Variants in FBXO42 observed in about 807,000 individuals in gnomAD.
FBXO42 encodes the protein F-box protein 42.
Under a neutral mutation model 71.7 loss-of-function variants are expected in FBXO42, and 12 were observed. The ratio of observed to expected loss-of-function variants is 0.17; its 90% CI spans 0.11 to 0.27. The LOEUF (loss-of-function observed/expected upper bound fraction) is 0.27, where lower values mean the gene tolerates loss of function less well. Ranked by LOEUF, FBXO42 falls within the 10% of genes least tolerant of loss-of-function variation. The pLI, the probability that FBXO42 is intolerant of heterozygous loss-of-function variation, is 1.00. For missense variants in FBXO42, 707 were observed against 911.9 expected, an observed-to-expected ratio of 0.78 and a Z score of 2.89; for synonymous variants, 325 against 327.5, an observed-to-expected ratio of 0.99 and a Z score of 0.08.
chr1:16,251,124 G>A lies in FBXO42; in HGVS notation c.1700C>T (p.Ser567Phe). Residue 567 changes from serine (S) to phenylalanine (F), a missense_variant, in exon 10 of 10, where the codon TCC (serine) becomes TTC (phenylalanine). Ser to Phe is a radical substitution (Grantham distance 155, BLOSUM62 -2). Coordinates refer to ENST00000375592, the MANE Select transcript of FBXO42 (RefSeq NM_018994.3). The surrounding 1 kb of genome is among the most constrained non-coding windows in gnomAD (Gnocchi z 4.5). ...TGCAGAGGCCGAGGGGCCTTTGGAGGACATCGCTTTGATGGCTTCCAGACT... is the reference window on the plus strand; with the variant it reads ...TGCAGAGGCCGAGGGGCCTTTGGAGAACATCGCTTTGATGGCTTCCAGACT... ...RRSLEAIKAM[S>F]SKGPSASAAL... The A allele has an allele frequency of 6.2e-7, 1 of 1,614,134 alleles. No homozygotes were observed. The highest frequency in any genetic ancestry group is 1.1e-5 in the South Asian group (1 of 91,088).
chr1:16,267,393 T>C (rs1322868771), intron 4 of FBXO42, among the ~76,000 whole-genome samples: 2 of 152,170 alleles, frequency 1.3e-5, no homozygotes, highest in African/African-American at 2.4e-5. Context: ...ATTGCAGTTC[T>C]AATCAGGGGT....
chr1:16,260,652 A>AT (rs2081701642), intron 4 of FBXO42, among the ~76,000 whole-genome samples: 1 of 152,106 alleles, frequency 6.6e-6, no homozygotes, highest in East Asian at 1.9e-4. Flanking sequence ...TAGAACTAAT[A>AT]AGTGAAGAGC....
At chr1:16,274,490 T>C (rs2081877379) in intron 4 of FBXO42, among the ~76,000 whole-genome samples, 1 of 151,188 alleles carries the variant, frequency 6.6e-6, no homozygotes, top group South Asian at 2.1e-4. Flanking sequence ...CATGACTGTA[T>C]ACATATGTAA....
Position 16,315,303 on chromosome 1 carries a change from T to A in FBXO42, c.116A>T (p.Glu39Val). 1 of 1,614,180 alleles carries A rather than the reference T, an allele frequency of 6.2e-7. No homozygotes were observed. Among genetic ancestry groups the A allele is most frequent in the Non-Finnish European group, 8.5e-7 (1 of 1,180,022 alleles). ...DEEPHPVLEA[E>V]ETRHNRSMSE... The stretch of plus-strand genomic sequence containing the variant: ...CATGGACCTATTATGTCTAGTCTCC[T>A]CAGCCTCCAATACTGGGTGGGGCTC... Residue 39 changes from glutamate to valine, a missense_variant, in exon 2 of 10, where the codon GAG (glutamate) becomes GTG (valine). This residue lies in a region of FBXO42 where 188 missense variants were observed against 230.5 expected (regional missense o/e 0.82). Transcript: ENST00000375592.
At chr1:16,264,232 T>C (rs185736219) in intron 4 of FBXO42, among the ~76,000 whole-genome samples, 340 of 152,350 alleles carry the variant, frequency 2.2e-3, no homozygotes, top group African/African-American at 7.8e-3. Context: ...ATAGGTTTAA[T>C]ACATTTTTAT....
At chr1:16,315,584 C>T (rs1444294889) in intron 1 of FBXO42, 149 bp from the exon 2 acceptor site, 7 of 699,942 alleles carry the variant, frequency 1.0e-5, no homozygotes, top group South Asian at 6.2e-5. Context: ...TTGTGAGCCA[C>T]CTTAATTCGA....
chr1:16,304,550 C>T (rs957665803), intron 3 of FBXO42, among the ~76,000 whole-genome samples: 4 of 152,162 alleles, frequency 2.6e-5, no homozygotes, highest in Admixed American at 2.6e-4. Context: ...TCTGACTACT[C>T]CCTAAGCAAA....
At chr1:16,273,890 A>C (rs1447389725) in intron 4 of FBXO42, among the ~76,000 whole-genome samples, 1 of 152,150 alleles carries the variant, frequency 6.6e-6, no homozygotes, top group African/African-American at 2.4e-5. Flanking sequence ...CAAACAAGAA[A>C]AAAAGTGGGA....
chr1:16,346,257 C>T (rs2082653547), intron 1 of FBXO42, among the ~76,000 whole-genome samples: 1 of 152,070 alleles, frequency 6.6e-6, no homozygotes, highest in African/African-American at 2.4e-5. Flanking sequence ...AGTGCGTTTA[C>T]CCCCATACTA....
At chr1:16,286,913 C>A (rs1569862380) in intron 4 of FBXO42, among the ~76,000 whole-genome samples, 3 of 152,300 alleles carry the variant, frequency 2.0e-5, no homozygotes, top group Admixed American at 1.3e-4. Context: ...TCTATCAAAT[C>A]CACCCAGTTC....
chr1:16,278,505 T>G (rs1246321677), intron 4 of FBXO42, among the ~76,000 whole-genome samples: 1 of 152,036 alleles, frequency 6.6e-6, no homozygotes, highest in Non-Finnish European at 1.5e-5. Context: ...TTTGTTTTGT[T>G]TTTTGTTAGA....
intron 1 of FBXO42, among the ~76,000 whole-genome samples, chr1:16,319,968 T>C (rs1266520908): frequency 6.6e-6 from 1 of 151,558 alleles, no homozygotes; most frequent in African/African-American, 2.4e-5. Flanking sequence ...CCTCTTTCCA[T>C]GCTCACGTGG....
At chr1:16,311,612 G>A (rs780536388) in intron 2 of FBXO42, among the ~76,000 whole-genome samples, 29 of 150,884 alleles carry the variant, frequency 1.9e-4, no homozygotes, top group Admixed American at 6.6e-4. Flanking sequence ...ACACATAAGC[G>A]CATGAAAATA....
chr1:16,309,062 T>A, intron 2 of FBXO42, among the ~76,000 whole-genome samples: 1 of 52,694 alleles, frequency 1.9e-5, no homozygotes, highest in Non-Finnish European at 4.5e-5. Context: ...CATCTCTTTT[T>A]TTTTTTTTTT....
At chr1:16,277,101 C>T (rs1557580298) in intron 4 of FBXO42, among the ~76,000 whole-genome samples, 1 of 152,138 alleles carries the variant, frequency 6.6e-6, no homozygotes, top group East Asian at 1.9e-4. Context: ...TGGATTGTCT[C>T]ATTCACAAAC....
intron 1 of FBXO42, among the ~76,000 whole-genome samples, chr1:16,317,824 C>T (rs11805066): frequency 0.024 from 3,564 of 151,078 alleles, 139 homozygotes; most frequent in African/African-American, 0.082. Context: ...GGAGGCTGAG[C>T]AGGAGGATCA....
At chr1:16,320,213 T>C (rs1251374429) in intron 1 of FBXO42, among the ~76,000 whole-genome samples, 6 of 151,518 alleles carry the variant, frequency 4.0e-5, no homozygotes, top group African/African-American at 7.3e-5. Flanking sequence ...TACAAAAAAC[T>C]AGCTGGGCGT....
At chr1:16,317,239 G>A (rs558946863) in intron 1 of FBXO42, among the ~76,000 whole-genome samples, 33 of 152,252 alleles carry the variant, frequency 2.2e-4, no homozygotes, top group Admixed American at 1.9e-3. Context: ...CCAACACAGT[G>A]AAACTCCATC....
intron 2 of FBXO42, among the ~76,000 whole-genome samples, chr1:16,311,499 A>ATATAT (rs1553153690): frequency 1.5e-5 from 1 of 68,708 alleles, no homozygotes; most frequent in African/African-American, 5.3e-5. Context: ...AAAAAAAAAA[A>ATATAT]AAAAATATAT....
Sources: gnomAD v4.1 joint callset for allele counts (sites outside exome capture counted in the v4.1 genomes callset) on GRCh38, gnomAD v4.1.1 for gene constraint, gnomAD v4.1.1 regional missense constraint, Gnocchi (gnomAD v3.1) non-coding constraint, MANE v1.5 for transcripts, NCBI Gene and HGNC (gene_info 2026-07-23, HGNC 2026-07-21) for gene names.